The following CDH6 variants were observed in gnomAD, a reference collection of about 807,000 sequenced individuals.
CDH6 encodes the protein cadherin 6.
In CDH6, 31 loss-of-function variants were observed where a neutral mutation model predicts 78.0. That is an observed-to-expected ratio of 0.40 (90% CI 0.30 to 0.54). CDH6 has a LOEUF of 0.54. Ranked by LOEUF, CDH6 falls within the 20% of genes least tolerant of loss-of-function variation. CDH6 has a pLI of 0.56. For synonymous variants in CDH6, 376 were observed against 368.8 expected, an observed-to-expected ratio of 1.02 and a Z score of -0.23; for missense variants, 724 against 975.9, an observed-to-expected ratio of 0.74 and a Z score of 3.44.
intron 9 of CDH6, 72 bp from the exon 10 acceptor site, chr5:31,317,303 T>C: frequency 1.3e-6 from 1 of 756,650 alleles, no homozygotes; most frequent in Non-Finnish European, 2.3e-6. Context: ...TGTCAAGCAA[T>C]TTATTGCAAA....
intron 7 of CDH6, among the ~76,000 whole-genome samples, chr5:31,310,772 G>A (rs1377638457): frequency 6.6e-6 from 1 of 152,236 alleles, no homozygotes; most frequent in South Asian, 2.1e-4. Context: ...CACAGCCTGA[G>A]CTGTACCCCA....
intron 1 of CDH6, among the ~76,000 whole-genome samples, chr5:31,257,226 G>A (rs769165316): frequency 1.6e-4 from 25 of 152,238 alleles, no homozygotes; most frequent in African/African-American, 3.6e-4. Flanking sequence ...GCAGTGGCGC[G>A]ATCTCGGCTC....
chr5:31,219,948 A>T (rs1740963744), intron 1 of CDH6, among the ~76,000 whole-genome samples: 1 of 152,176 alleles, frequency 6.6e-6, no homozygotes, highest in Non-Finnish European at 1.5e-5. Context: ...TTCCCCTCTT[A>T]ATTTCCACAC....
chr5:31,312,377 T>C (rs1738182279), intron 7 of CDH6, among the ~76,000 whole-genome samples: 1 of 152,216 alleles, frequency 6.6e-6, no homozygotes, highest in Non-Finnish European at 1.5e-5. Flanking sequence ...TTATTAACAA[T>C]GATTTAGATT....
chr5:31,251,442 CAGCTCCACACTT>C (rs1364094918), intron 1 of CDH6: 2 of 152,334 alleles, frequency 1.3e-5, no homozygotes, highest in Non-Finnish European at 2.9e-5. Context: ...CTAAGGGGGA[CAGCTCCACACTT>C]CTTTCCTTCT....
At chr5:31,301,963 G>C (rs1482235772) in intron 5 of CDH6, 148 bp from the exon 6 acceptor site, 1 of 507,890 alleles carries the variant, frequency 2.0e-6, no homozygotes, top group Non-Finnish European at 3.5e-6. Flanking sequence ...GACATAAGAA[G>C]AACAGGCCAC....
At chr5:31,226,258 TC>T (rs1561031484) in intron 1 of CDH6, among the ~76,000 whole-genome samples, 2 of 152,112 alleles carry the variant, frequency 1.3e-5, no homozygotes, top group African/African-American at 4.8e-5. Context: ...CACTGCAACC[TC>T]CCCTTCCCAG....
intron 1 of CDH6, among the ~76,000 whole-genome samples, chr5:31,204,800 G>C (rs368154809): frequency 1.3e-5 from 2 of 152,028 alleles, no homozygotes; most frequent in African/African-American, 4.8e-5. Context: ...ACTTTAAAGC[G>C]AGAAGTGAAA....
chr5:31,198,206 C>T (rs186461157), intron 1 of CDH6, among the ~76,000 whole-genome samples: 3 of 152,266 alleles, frequency 2.0e-5, no homozygotes, highest in East Asian at 1.9e-4. Flanking sequence ...GCTCTGAGCA[C>T]ACATTCATAA....
At chr5:31,235,236 C>CTTTTTTTTTTTTTTTTTTTT (rs543675071) in intron 1 of CDH6, among the ~76,000 whole-genome samples, 5 of 110,642 alleles carry the variant, frequency 4.5e-5, no homozygotes, top group East Asian at 2.8e-4. Context: ...ATTCCTTTTT[C>CTTTTTTTTTTTTTTTTTTTT]TTTTTTTTTT....
intron 11 of CDH6, among the ~76,000 whole-genome samples, chr5:31,321,298 G>T (rs933496654): frequency 1.3e-5 from 2 of 152,160 alleles, no homozygotes; most frequent in Non-Finnish European, 2.9e-5. Context: ...GGCAGCAAAA[G>T]AGGGTGCATA....
rs1737516985 is a variant in CDH6 at position 31,294,294 on chromosome 5, C to T, written c.523+38C>T. On this transcript the variant is annotated intron_variant, in intron 3 of 11. Coordinates refer to ENST00000265071, the MANE Select transcript of CDH6 (RefSeq NM_004932.4). This position sits in a 1 kb window ranked among gnomAD's most constrained non-coding sequence, Gnocchi z 4.1. Reference sequence around the variant, plus strand: ...TGACTTCAGCCAAAAGCTGGCTTTCCCCTAGTGCATCCACTGAGTAAGGAA... The same window carrying T: ...TGACTTCAGCCAAAAGCTGGCTTTCTCCTAGTGCATCCACTGAGTAAGGAA... 1 of 1,561,258 alleles carries T rather than the reference C, an allele frequency of 6.4e-7. No individual in the cohort carries two copies.
At position 31,297,281 on chromosome 5, in the gene CDH6, C is replaced by G. The variant is rs769311285; in HGVS notation, c.524-8C>G. The G allele has an allele frequency of 6.2e-7, 1 of 1,609,422 alleles. No homozygotes were observed. Among genetic ancestry groups the G allele is most frequent in the South Asian group, 1.1e-5 (1 of 90,872 alleles). ...ATGTGTTTTCAGTTTATATTTCTGT[C>G]ATTACAGGTACATTTGTTGTCCAAG... On this transcript the variant is annotated splice_region_variant and splice_polypyrimidine_tract_variant and intron_variant, in intron 3 of 11. Transcript: ENST00000265071.
chr5:31,310,385 C>T (rs994905352), intron 7 of CDH6, among the ~76,000 whole-genome samples: 9 of 152,328 alleles, frequency 5.9e-5, no homozygotes, highest in African/African-American at 2.2e-4. Flanking sequence ...AAAGATACAG[C>T]CCCCGAGGCT....
chr5:31,304,024 T>C (rs1383437208), intron 6 of CDH6, among the ~76,000 whole-genome samples: 1 of 152,158 alleles, frequency 6.6e-6, no homozygotes, highest in African/African-American at 2.4e-5. Context: ...AAGTCAGCAA[T>C]AAGCATTTGG....
chr5:31,200,370 C>T lies in CDH6; in HGVS notation c.-129+6484C>T, dbSNP rs79669008. Among the ~76,000 whole-genome samples, 323 of 152,096 alleles carry T rather than the reference C, an allele frequency of 2.1e-3. 2 individuals are homozygous for T. The highest frequency in any genetic ancestry group is 7.4e-3 in the African/African-American group (309 of 41,490). Reference sequence around the variant, plus strand: ...CACAGCACCCACTAAGGGCATCAGTCCATTCTCAGCTCGTTGACATTACCA... The same window carrying T: ...CACAGCACCCACTAAGGGCATCAGTTCATTCTCAGCTCGTTGACATTACCA... On this transcript the variant is annotated intron_variant, in intron 1 of 11. Coordinates refer to ENST00000265071, the MANE Select transcript of CDH6 (RefSeq NM_004932.4).
chr5:31,302,796 GAGAGAAAGAAAGAAAGAAAGAAAGAA>G (rs1235898382), intron 6 of CDH6, among the ~76,000 whole-genome samples: 4 of 31,132 alleles, frequency 1.3e-4, no homozygotes, highest in African/African-American at 4.2e-4. Context: ...GAGAGAGAGA[GAGAGAAAGAAAGAAAGAAAGAAAGAA>G]AGAAAGAAAG....
intron 1 of CDH6, among the ~76,000 whole-genome samples, chr5:31,214,173 G>A (rs1740799990): frequency 6.6e-6 from 1 of 150,660 alleles, no homozygotes; most frequent in East Asian, 1.9e-4. Flanking sequence ...CAGCAGTCTG[G>A]GAAAAAACCA....
intron 1 of CDH6, among the ~76,000 whole-genome samples, chr5:31,252,820 A>G (rs1015393817): frequency 6.6e-6 from 1 of 152,050 alleles, no homozygotes; most frequent in African/African-American, 2.4e-5. Context: ...CTTTACTGAT[A>G]TTAACTGACT....
Sources: gnomAD v4.1 joint callset for allele counts (sites outside exome capture counted in the v4.1 genomes callset) on GRCh38, gnomAD v4.1.1 for gene constraint, Gnocchi (gnomAD v3.1) non-coding constraint, MANE v1.5 for transcripts, NCBI Gene and HGNC (gene_info 2026-07-23, HGNC 2026-07-21) for gene names.